The following MILR1 variants were observed in gnomAD, a reference collection of about 807,000 sequenced individuals.
The protein encoded by MILR1 is mast cell immunoglobulin like receptor 1, also known as allergin-1.
MILR1 carries 31 observed loss-of-function variants against 18.5 expected under a neutral mutation model. That is an observed-to-expected ratio of 1.68 (90% CI 1.26 to 2.26). The LOEUF is 2.26. Among genes scored for constraint, MILR1 ranks in the 30% most tolerant of loss-of-function variants. MILR1 has a pLI of 0.00. For synonymous variants in MILR1, 85 were observed against 56.2 expected (o/e 1.51, Z -2.30); for missense variants, 257 against 157.4 (o/e 1.63, Z -3.38).
At chr17:64,497,171 G>A in the MILR1 span, 8 of 647,442 alleles carry the variant, frequency 1.2e-5, no homozygotes, top group Non-Finnish European at 2.2e-5. Flanking sequence ...ACGCCGGCTC[G>A]GATGGTTCTC....
chr17:64,475,965 C>G, the MILR1 span, among the ~76,000 whole-genome samples: 1 of 151,758 alleles, frequency 6.6e-6, no homozygotes, highest in Non-Finnish European at 1.5e-5. Flanking sequence ...AGGCGCCCAC[C>G]ACCACGCCCA....
the MILR1 span, chr17:64,497,086 T>C: frequency 9.1e-7 from 1 of 1,099,120 alleles, no homozygotes. Flanking sequence ...GTGAGCGTGC[T>C]TGCGGGCGGC....
chr17:64,477,947 T>G, the MILR1 span: 1 of 1,614,028 alleles, frequency 6.2e-7, no homozygotes, highest in South Asian at 1.1e-5. Context: ...CAAAGTAGTT[T>G]CAGTAACCAA....
chr17:64,465,374 AT>A, intron 5 of MILR1, 77 bp from the exon 6 acceptor site: 2 of 1,018,664 alleles, frequency 2.0e-6, no homozygotes, highest in Non-Finnish European at 3.0e-6. Context: ...CTTTGAGGGA[AT>A]TCTGCTCCTT....
the MILR1 span, among the ~76,000 whole-genome samples, chr17:64,475,808 CTTTTTTTTTTT>C: frequency 2.0e-5 from 2 of 102,502 alleles, no homozygotes; most frequent in African/African-American, 5.3e-5. Context: ...CTACCACTTC[CTTTTTTTTTTT>C]TTTTTTTTTT....
the MILR1 span, among the ~76,000 whole-genome samples, chr17:64,480,883 G>A: frequency 6.6e-6 from 1 of 152,180 alleles, no homozygotes; most frequent in African/African-American, 2.4e-5. Flanking sequence ...GTTTCAAGAA[G>A]AGACTGATCA....
chr17:64,491,687 G>C, the MILR1 span: 1 of 1,155,432 alleles, frequency 8.7e-7, no homozygotes, highest in Non-Finnish European at 1.3e-6. Context: ...TGAAGAAGGG[G>C]AGCATCTCGG....
the MILR1 span, chr17:64,490,864 CTAT>C: frequency 1.2e-6 from 2 of 1,613,714 alleles, no homozygotes; most frequent in South Asian, 2.2e-5. Context: ...CACAGGGTTT[CTAT>C]TAACTCCTTT....
chr17:64,468,057 A>T (rs1196932291), intron 9 of MILR1: 1 of 351,604 alleles, frequency 2.8e-6, no homozygotes, highest in Non-Finnish European at 5.5e-6. Flanking sequence ...GAGAGCCCAC[A>T]GAGTTGAGTT....
chr17:64,493,684 C>A, the MILR1 span, among the ~76,000 whole-genome samples: 1 of 152,010 alleles, frequency 6.6e-6, no homozygotes. Context: ...GACGGGGTTT[C>A]ACCGTGTTAG....
At chr17:64,478,161 A>T in the MILR1 span, among the ~76,000 whole-genome samples, 1 of 152,342 alleles carries the variant, frequency 6.6e-6, no homozygotes, top group African/African-American at 2.4e-5. Flanking sequence ...ATTTAAAGTA[A>T]TATTTTCAGA....
chr17:64,494,632 C>G, the MILR1 span, among the ~76,000 whole-genome samples: 184 of 152,082 alleles, frequency 1.2e-3, 1 homozygote, highest in Non-Finnish European at 4.7e-4. Context: ...ATACTATTGA[C>G]TCTTAGATTT....
chr17:64,463,338 T>A (rs902817205), intron 5 of MILR1, among the ~76,000 whole-genome samples: 2 of 152,250 alleles, frequency 1.3e-5, no homozygotes, highest in South Asian at 4.1e-4. Context: ...TCACGTCTTA[T>A]GGCCACCACT....
At position 64,457,473 on chromosome 17, in the gene MILR1, C is replaced by G. The variant is rs1364501583; in HGVS notation, c.441C>G (p.Cys147Trp). Residue 147 changes from cysteine (C) to tryptophan (W), a missense_variant, in exon 4 of 10, where the codon TGC becomes TGG. Coordinates refer to ENST00000619286, the MANE Select transcript of MILR1 (RefSeq NM_001085423.2). ...TETDRHITLH[C>W]LSVNGSLPIN... Reference sequence around the variant, plus strand: ...CAGACCGACATATAACATTACATTGCCTCTCAGTCAATGGCTCGCTGCCCA... The same window carrying G: ...CAGACCGACATATAACATTACATTGGCTCTCAGTCAATGGCTCGCTGCCCA... 2 of 475,252 alleles carry G rather than the reference C, an allele frequency of 4.2e-6. No homozygotes were observed. Among genetic ancestry groups the G allele is most frequent in the Non-Finnish European group, 7.7e-6 (2 of 259,060 alleles). 29.4% of individuals were successfully genotyped at this position (475,252 alleles called of 1,614,324 possible). A position where few individuals can be genotyped will look rare whatever the true frequency, so the allele number is the denominator to read the frequency against.
At chr17:64,457,287 C>T (rs1193196444) in intron 3 of MILR1, 113 bp from the exon 4 acceptor site, 2 of 405,114 alleles carry the variant, frequency 4.9e-6, no homozygotes, top group African/African-American at 4.1e-5. Flanking sequence ...GGAAGGGGGT[C>T]GTTCATCTTG....
Position 64,468,478 on chromosome 17 carries a change from G to A in MILR1, c.*197G>A. The A allele has an allele frequency of 2.6e-6, 1 of 391,046 alleles. No individual in the cohort carries two copies. The highest frequency in any genetic ancestry group is 2.1e-5 in the South Asian group (1 of 47,638). The allele number at this position is 391,046 out of a possible 1,614,324, so 24.2% of individuals were successfully genotyped here. A position where few individuals can be genotyped will look rare whatever the true frequency, so the allele number is the denominator to read the frequency against. On this transcript the variant is annotated 3_prime_UTR_variant, in exon 10 of 10. Transcript: ENST00000619286. The stretch of plus-strand genomic sequence containing the variant: ...TAATTTTTGTATTTTTAGTAGAGAT[G>A]GGGTTTCACTATGGTGGCCAGGCTG...
chr17:64,486,338 A>T, the MILR1 span, among the ~76,000 whole-genome samples: 1 of 146,542 alleles, frequency 6.8e-6, no homozygotes, highest in Non-Finnish European at 1.5e-5. Flanking sequence ...CCGAGCTCAG[A>T]GTTAGTATTC....
At chr17:64,494,382 A>C in the MILR1 span, among the ~76,000 whole-genome samples, 3 of 152,122 alleles carry the variant, frequency 2.0e-5, no homozygotes, top group African/African-American at 7.2e-5. Context: ...TGGTTAAGGT[A>C]GTAAATATCC....
Position 64,467,576 on chromosome 17 carries a change from T to A in MILR1, c.991T>A (p.Ser331Thr). The change falls in exon 9 of 10, where the codon TCT (serine) becomes ACT (threonine). Residue 331 changes from serine to threonine, a missense_variant. Physicochemically the swap from Ser to Thr is moderately conservative, Grantham distance 58 (BLOSUM62 1). Transcript: ENST00000619286. ...CTTTTATATTTCAGAAGCCTGTGAT[T>A]CTTATAAATCTGGATATGTCTATTC... ...VAPREQEACD[S>T]YKSGYVYSEL... 6.5e-7 allele frequency: 1 copy of A among 1,538,790 alleles called. No individual in the cohort carries two copies. The highest frequency in any genetic ancestry group is 8.9e-7 in the Non-Finnish European group (1 of 1,127,108).
Sources: allele counts gnomAD v4.1 joint callset (sites outside exome capture counted in the v4.1 genomes callset), GRCh38; gene constraint gnomAD v4.1.1; transcripts MANE v1.5; gene names NCBI Gene and HGNC (gene_info 2026-07-23, HGNC 2026-07-21).